Variants in WASF3 observed in about 807,000 individuals in gnomAD.
WASF3 encodes WASP family member 3, also known as actin-binding protein WASF3.
WASF3 carries 11 observed loss-of-function variants against 46.6 expected under a neutral mutation model. The observed-to-expected ratio is 0.24, with a 90% CI of 0.15 to 0.39. The LOEUF (loss-of-function observed/expected upper bound fraction) is 0.39, where lower values mean the gene tolerates loss of function less well. Ranked by LOEUF, WASF3 falls within the 10% of genes least tolerant of loss-of-function variation. The probability of loss-of-function intolerance (pLI) is 1.00; values close to 1 mark genes in which losing one functional copy is unlikely to be tolerated. For missense variants in WASF3, 576 were observed against 669.8 expected (o/e 0.86, Z 1.55); for synonymous variants, 242 against 259.7 (o/e 0.93, Z 0.65).
intron 1 of WASF3, among the ~76,000 whole-genome samples, chr13:26,583,851 C>A (rs1013121459): frequency 6.6e-6 from 1 of 152,324 alleles, no homozygotes; most frequent in East Asian, 1.9e-4. Flanking sequence ...TAACAGGAGT[C>A]AGAAGTGTGG....
At chr13:26,654,862 T>C (rs539116144) in intron 3 of WASF3, among the ~76,000 whole-genome samples, 1 of 152,284 alleles carries the variant, frequency 6.6e-6, no homozygotes, top group East Asian at 1.9e-4. Context: ...GTGTTGCTTT[T>C]ATAGGAGAAA....
At chr13:26,653,964 G>T (rs894623765) in intron 3 of WASF3, among the ~76,000 whole-genome samples, 8 of 152,174 alleles carry the variant, frequency 5.3e-5, no homozygotes, top group Non-Finnish European at 1.0e-4. Flanking sequence ...TCCTCTTACA[G>T]TGCTTTTGAT....
intron 2 of WASF3, among the ~76,000 whole-genome samples, chr13:26,616,665 C>T (rs1268019201): frequency 6.6e-6 from 1 of 151,984 alleles, no homozygotes; most frequent in Non-Finnish European, 1.5e-5. Context: ...TGTCATCTTC[C>T]TTTTCTTCCA....
chr13:26,679,950 C>CAA lies in WASF3; in HGVS notation c.717-1103_717-1102dup. On this transcript the variant is annotated intron_variant, in intron 7 of 9. Transcript: ENST00000335327. This position sits in a 1 kb window ranked among gnomAD's most constrained non-coding sequence, Gnocchi z 4.8. ...TGGTGCCCCAGTTAAGAAAAGCTAC[C>CAA]AACTGGAATCCCAAAGATGGAAATG... The CAA allele has an allele frequency of 6.7e-7, 1 of 1,491,260 alleles. No homozygotes were observed. Among genetic ancestry groups the CAA allele is most frequent in the Non-Finnish European group, 9.0e-7 (1 of 1,114,630 alleles). 92.4% of individuals were successfully genotyped at this position (1,491,260 alleles called of 1,614,324 possible). A position where few individuals can be genotyped will look rare whatever the true frequency, so the allele number is the denominator to read the frequency against.
chr13:26,663,702 A>G (rs1429099102), intron 3 of WASF3, among the ~76,000 whole-genome samples: 1 of 152,246 alleles, frequency 6.6e-6, no homozygotes, highest in African/African-American at 2.4e-5. Context: ...ATTCATTCCC[A>G]GTGTCTAGGT....
At chr13:26,551,251 C>T in the WASF3 span, among the ~76,000 whole-genome samples, 7 of 152,122 alleles carry the variant, frequency 4.6e-5, no homozygotes, top group African/African-American at 1.4e-4. Flanking sequence ...GTCAATTAAA[C>T]CTCTCTTCTT....
At chr13:26,684,646 GCGGTAA>G (rs1287891623) in intron 9 of WASF3, among the ~76,000 whole-genome samples, 2 of 152,134 alleles carry the variant, frequency 1.3e-5, no homozygotes, top group Non-Finnish European at 2.9e-5. Flanking sequence ...CGAGGCGGGG[GCGGTAA>G]CACATGAACT....
intron 6 of WASF3, among the ~76,000 whole-genome samples, chr13:26,672,296 T>C (rs1413262761): frequency 1.3e-5 from 2 of 152,258 alleles, no homozygotes; most frequent in Non-Finnish European, 2.9e-5. Context: ...CAGTATTCCA[T>C]ATCAGATACA....
chr13:26,620,644 C>CA (rs1474033727), intron 2 of WASF3: 2 of 152,188 alleles, frequency 1.3e-5, no homozygotes, highest in Non-Finnish European at 2.9e-5. Context: ...TCTGTATCCC[C>CA]ACCCATGATA....
intron 3 of WASF3, among the ~76,000 whole-genome samples, chr13:26,649,242 C>T (rs1461020699): frequency 1.3e-5 from 2 of 151,940 alleles, no homozygotes; most frequent in East Asian, 1.9e-4. Flanking sequence ...CTTTTACGTA[C>T]GTTGTCTGGC....
Position 26,682,267 on chromosome 13 carries a change from C to G in WASF3, c.984-340C>G, listed in dbSNP as rs1566074986. On this transcript the variant is annotated intron_variant, in intron 8 of 9. Coordinates refer to ENST00000335327, the MANE Select transcript of WASF3 (RefSeq NM_006646.6). This position sits in a 1 kb window ranked among gnomAD's most constrained non-coding sequence, Gnocchi z 4.4. ...GACCCTTAAAAGACAAGTTTGTGAG[C>G]TACCGCCTTGAGATCCCAGTGTGAA... Among the ~76,000 whole-genome samples the G allele has an allele frequency of 6.6e-6, 1 of 152,204 alleles. No homozygotes were observed. The highest frequency in any genetic ancestry group is 1.5e-5 in the Non-Finnish European group (1 of 68,044).
chr13:26,664,934 A>G lies in WASF3; in HGVS notation c.134-94A>G, dbSNP rs145733146. 6.3e-4 allele frequency: 832 copies of G among 1,325,702 alleles called. 14 individuals carry two copies. In the East Asian group the frequency reaches 0.017, roughly 26 times the overall value. The allele number at this position is 1,325,702 out of a possible 1,614,324, so 82.1% of individuals were successfully genotyped here. ...TTCATACTCGTTTGCACAAAATCCC[A>G]CATGTTGACAGGAATAAGCACTGGT... On this transcript the variant is annotated intron_variant, in intron 3 of 9. Transcript: ENST00000335327.
In WASF3 at chr13:26,671,866, T is replaced by G; in HGVS notation, c.423-6T>G. 6.4e-7 allele frequency: 1 copy of G among 1,564,052 alleles called. No homozygotes were observed. ...CTTCCCTGACTTACAATACATTGAT[T>G]TGTAGAGATGACAAGAAGGATGGGC... On this transcript the variant is annotated splice_region_variant and splice_polypyrimidine_tract_variant and intron_variant, in intron 5 of 9. Coordinates refer to ENST00000335327, the MANE Select transcript of WASF3 (RefSeq NM_006646.6).
At chr13:26,627,155 A>G (rs544247435) in intron 2 of WASF3, among the ~76,000 whole-genome samples, 2 of 152,302 alleles carry the variant, frequency 1.3e-5, no homozygotes, top group East Asian at 3.9e-4. Context: ...TAGAGGAGAA[A>G]TTTAGGTTTA....
intron 6 of WASF3, among the ~76,000 whole-genome samples, chr13:26,672,833 G>T (rs918261914): frequency 1.3e-5 from 2 of 152,136 alleles, no homozygotes; most frequent in Non-Finnish European, 2.9e-5. Context: ...GTCTGGAGGA[G>T]AATTTGAAAA....
intron 3 of WASF3, among the ~76,000 whole-genome samples, chr13:26,663,908 G>A (rs764307601): frequency 2.0e-5 from 3 of 152,176 alleles, no homozygotes; most frequent in African/African-American, 7.2e-5. Context: ...CTAGCCATGG[G>A]ATTTGGACGG....
At chr13:26,647,161 A>C (rs1260312566) in intron 3 of WASF3, among the ~76,000 whole-genome samples, 1 of 152,196 alleles carries the variant, frequency 6.6e-6, no homozygotes, top group East Asian at 1.9e-4. Context: ...GGTAACAGTC[A>C]TAGAAATGAA....
At chr13:26,612,558 T>A (rs2137224473) in intron 1 of WASF3, among the ~76,000 whole-genome samples, 1 of 152,364 alleles carries the variant, frequency 6.6e-6, no homozygotes, top group African/African-American at 2.4e-5. Flanking sequence ...GAAAAATCGA[T>A]ACAAATGCTC....
upstream of WASF3, among the ~76,000 whole-genome samples, chr13:26,554,096 C>CTTCTTTCCTTCTTTCTTTCT (rs1879039378): frequency 1.4e-4 from 1 of 7,372 alleles, no homozygotes; most frequent in Non-Finnish European, 3.0e-4. Flanking sequence ...TCCTTCCTTC[C>CTTCTTTCCTTCTTTCTTTCT]TTCTTTCTTT....
Sources: allele counts gnomAD v4.1 joint callset (sites outside exome capture counted in the v4.1 genomes callset), GRCh38; gene constraint gnomAD v4.1.1; non-coding constraint Gnocchi (gnomAD v3.1); transcripts MANE v1.5; gene names NCBI Gene and HGNC (gene_info 2026-07-23, HGNC 2026-07-21).